SS18: variants seen among roughly 807,000 people sequenced by gnomAD.
SS18 encodes SS18 subunit of BAF chromatin remodeling complex.
Under a neutral mutation model 72.5 loss-of-function variants are expected in SS18, and 28 were observed. That is an observed-to-expected ratio of 0.39 (90% confidence interval 0.29 to 0.53). SS18 has a LOEUF of 0.53. Ranked by LOEUF, SS18 falls within the 20% of genes least tolerant of loss-of-function variation. The pLI, the probability that SS18 is intolerant of heterozygous loss-of-function variation, is 0.76. For missense variants in SS18, 518 were observed against 535.3 expected (o/e 0.97, Z 0.32); for synonymous variants, 172 against 164.2 (o/e 1.05, Z -0.37).
intron 2 of SS18, chr18:26,082,498 T>C (rs2144166628): frequency 1.0e-6 from 1 of 985,278 alleles, no homozygotes; most frequent in East Asian, 1.1e-4. Flanking sequence ...TGTTTGAAAT[T>C]TATGCAACTC....
At chr18:26,061,080 G>A (rs1320613142) in intron 3 of SS18, among the ~76,000 whole-genome samples, 1 of 152,222 alleles carries the variant, frequency 6.6e-6, no homozygotes, top group Non-Finnish European at 1.5e-5. Flanking sequence ...TTGGGAGGCT[G>A]AGGCAGGTGG....
intron 3 of SS18, among the ~76,000 whole-genome samples, chr18:26,065,651 T>C (rs1046212602): frequency 5.3e-5 from 8 of 151,274 alleles, no homozygotes; most frequent in African/African-American, 1.7e-4. Context: ...CTTCAAAATA[T>C]TGGCAAGTTG....
chr18:26,029,505 A>G (rs890977140), intron 10 of SS18, among the ~76,000 whole-genome samples: 1 of 152,162 alleles, frequency 6.6e-6, no homozygotes, highest in African/African-American at 2.4e-5. Context: ...GCTAGATATT[A>G]GATATATTTT....
intron 3 of SS18, among the ~76,000 whole-genome samples, chr18:26,064,181 C>T (rs1287437733): frequency 6.6e-6 from 1 of 152,048 alleles, no homozygotes; most frequent in Non-Finnish European, 1.5e-5. Flanking sequence ...CTGAAGTAAT[C>T]TCCTGACTCA....
chr18:26,054,811 GT>G, intron 4 of SS18, among the ~76,000 whole-genome samples: 1 of 151,590 alleles, frequency 6.6e-6, no homozygotes, highest in Middle Eastern at 3.4e-3. Context: ...TGCAATCTTG[GT>G]TTACTGCAAC....
chr18:26,028,929 A>T (rs1172709015), intron 10 of SS18, among the ~76,000 whole-genome samples: 11 of 152,216 alleles, frequency 7.2e-5, no homozygotes, highest in African/African-American at 2.4e-4. Context: ...TACTTCAATT[A>T]AGCTGTTCAA....
intron 10 of SS18, among the ~76,000 whole-genome samples, chr18:26,030,582 T>C (rs2053526890): frequency 6.6e-6 from 1 of 152,196 alleles, no homozygotes; most frequent in Admixed American, 6.5e-5. Flanking sequence ...TCAATAAACA[T>C]TTGCTTAATG....
intron 3 of SS18, among the ~76,000 whole-genome samples, chr18:26,063,375 C>T (rs1331079005): frequency 6.6e-6 from 1 of 152,040 alleles, no homozygotes; most frequent in Non-Finnish European, 1.5e-5. Context: ...AAAAATTAGC[C>T]AGGCGTGGTG....
At chr18:26,034,926 G>T in intron 9 of SS18, 79 bp downstream of exon 9, 1 of 1,506,684 alleles carries the variant, frequency 6.6e-7, no homozygotes, top group Non-Finnish European at 9.0e-7. Context: ...GTAAAAATAA[G>T]TATTAAATAT....
intron 6 of SS18, among the ~76,000 whole-genome samples, chr18:26,038,903 A>G (rs996324465): frequency 1.3e-5 from 2 of 152,148 alleles, no homozygotes; most frequent in African/African-American, 4.8e-5. Context: ...CCAACTCAGA[A>G]AAACAAATGC....
intron 5 of SS18, among the ~76,000 whole-genome samples, chr18:26,040,006 C>CA (rs1187113209): frequency 6.6e-6 from 1 of 152,160 alleles, no homozygotes; most frequent in Admixed American, 6.5e-5. Context: ...TAATTTAGGA[C>CA]AAAATCTTAA....
At chr18:26,083,139 A>C (rs1033554881) in intron 2 of SS18, among the ~76,000 whole-genome samples, 2 of 152,200 alleles carry the variant, frequency 1.3e-5, no homozygotes, top group African/African-American at 4.8e-5. Context: ...AATCCACCAA[A>C]AACGGCAGAA....
intron 3 of SS18, among the ~76,000 whole-genome samples, chr18:26,072,021 C>G (rs2054318720): frequency 6.6e-6 from 1 of 151,774 alleles, no homozygotes; most frequent in African/African-American, 2.4e-5. Context: ...CAGAAAGCAT[C>G]AGAAATGGTA....
In SS18 at chr18:26,052,733, A is replaced by C; in HGVS notation, c.498T>G (p.Ser166=). The part of the protein sequence containing the change: ...SHGSMGGYNH[S]VPSSQSMPVQ... Reference sequence around the variant, plus strand: ...CTGGCATGCTCTGTGATGATGGCACAGAATGGTTGTAACCTCCCATGGATC... The same window carrying C: ...CTGGCATGCTCTGTGATGATGGCACCGAATGGTTGTAACCTCCCATGGATC... Residue 166 remains serine, a synonymous_variant, in exon 5 of 11, where the codon TCT becomes TCG. Transcript: ENST00000415083. 6.2e-7 allele frequency: 1 copy of C among 1,614,178 alleles called. No homozygotes were observed. The highest frequency in any genetic ancestry group is 8.5e-7 in the Non-Finnish European group (1 of 1,179,992).
chr18:26,072,425 G>T (rs2054327778), intron 3 of SS18, among the ~76,000 whole-genome samples: 1 of 150,944 alleles, frequency 6.6e-6, no homozygotes, highest in African/African-American at 2.4e-5. Context: ...CAGAAAGGAG[G>T]ATAATACCAT....
intron 3 of SS18, among the ~76,000 whole-genome samples, chr18:26,059,529 A>C (rs28542722): frequency 0.19 from 29,349 of 152,140 alleles, 5,833 homozygotes; most frequent in African/African-American, 0.5. Context: ...CTGCTCACTG[A>C]TATGGAGACA....
intron 2 of SS18, among the ~76,000 whole-genome samples, chr18:26,079,648 T>C (rs1568030931): frequency 1.3e-5 from 2 of 152,166 alleles, no homozygotes; most frequent in Admixed American, 6.5e-5. Flanking sequence ...AGTGGCGTAA[T>C]CATGGCTCAC....
chr18:26,064,776 A>C (rs192580294), intron 3 of SS18: 1 of 152,116 alleles, frequency 6.6e-6, no homozygotes, highest in Non-Finnish European at 1.5e-5. Flanking sequence ...AGAAAATAGA[A>C]AACAAAGTAA....
At chr18:26,019,582 G>T (rs1265960892) in intron 10 of SS18, among the ~76,000 whole-genome samples, 1 of 151,826 alleles carries the variant, frequency 6.6e-6, no homozygotes. Flanking sequence ...AGGCCAAGGC[G>T]GGTGATTCAC....
Sources: gnomAD v4.1 joint callset for allele counts (sites outside exome capture counted in the v4.1 genomes callset) on GRCh38, gnomAD v4.1.1 for gene constraint, MANE v1.5 for transcripts, NCBI Gene and HGNC (gene_info 2026-07-23, HGNC 2026-07-21) for gene names.